The following SAMD12 variants were observed in gnomAD, a reference collection of about 807,000 sequenced individuals.
SAMD12 encodes sterile alpha motif domain-containing protein 12.
In SAMD12, 9 loss-of-function variants were observed where a neutral mutation model predicts 15.0. The ratio of observed to expected loss-of-function variants is 0.60; its 90% CI spans 0.36 to 1.05. SAMD12 has a LOEUF of 1.05. Ranked by LOEUF, SAMD12 falls within the 50% of genes least tolerant of loss-of-function variation. The pLI is 0.01. For missense variants in SAMD12, 230 were observed against 234.2 expected, an observed-to-expected ratio of 0.98 and a Z score of 0.12; for synonymous variants, 86 against 90.1, an observed-to-expected ratio of 0.96 and a Z score of 0.25.
Position 118,378,746 on chromosome 8 carries a change from G to C in SAMD12, c.*671C>G. ...TAAAATAAAACAAATAAAGTTTATA[G>C]CCAATGAAGGTTGATAGCATCCAAA... On this transcript the variant is annotated 3_prime_UTR_variant, in exon 4 of 4. Transcript: ENST00000314727. 1.0e-6 allele frequency: 1 copy of C among 984,200 alleles called. No individual in the cohort carries two copies. 61.0% of individuals were successfully genotyped at this position (984,200 alleles called of 1,614,324 possible).
intron 3 of SAMD12, among the ~76,000 whole-genome samples, chr8:118,386,337 T>C (rs1418755783): frequency 6.6e-6 from 1 of 152,108 alleles, no homozygotes; most frequent in African/African-American, 2.4e-5. Context: ...CTGCCTCCAT[T>C]CTCCTATCAC....
intron 2 of SAMD12, among the ~76,000 whole-genome samples, chr8:118,482,796 G>T (rs1301928822): frequency 6.6e-6 from 1 of 152,118 alleles, no homozygotes; most frequent in Non-Finnish European, 1.5e-5. Context: ...ACCCGAAGAG[G>T]TCACCTCACC....
At chr8:118,343,612 G>C (rs1350702161) in intron 4 of SAMD12, among the ~76,000 whole-genome samples, 1 of 152,152 alleles carries the variant, frequency 6.6e-6, no homozygotes, top group Non-Finnish European at 1.5e-5. Context: ...AAGAGTAAGT[G>C]CCTTTTTACA....
the SAMD12 span, among the ~76,000 whole-genome samples, chr8:118,173,755 G>C: frequency 6.6e-6 from 1 of 150,404 alleles, no homozygotes; most frequent in East Asian, 2.0e-4. Context: ...TCAGCTTCCC[G>C]CATAGCTGGG....
chr8:118,151,252 G>A, the SAMD12 span, among the ~76,000 whole-genome samples: 691 of 151,928 alleles, frequency 4.5e-3, 2 homozygotes, highest in Non-Finnish European at 7.6e-3. Context: ...ATGTACCATT[G>A]GTATTTCTTT....
chr8:118,480,037 C>A (rs75978098), intron 2 of SAMD12, among the ~76,000 whole-genome samples: 1 of 152,050 alleles, frequency 6.6e-6, no homozygotes, highest in Non-Finnish European at 1.5e-5. Context: ...GCATATAAAA[C>A]AAAGAAAAAA....
chr8:118,220,977 G>A (rs1310031503), intron 4 of SAMD12, among the ~76,000 whole-genome samples: 2 of 151,958 alleles, frequency 1.3e-5, no homozygotes, highest in East Asian at 1.9e-4. Flanking sequence ...GGTGGAATAC[G>A]AAGATATGAA....
intron 2 of SAMD12, among the ~76,000 whole-genome samples, chr8:118,529,141 A>C (rs1456047702): frequency 6.6e-6 from 1 of 152,224 alleles, no homozygotes; most frequent in Non-Finnish European, 1.5e-5. Context: ...GGTTGAAAGA[A>C]GAGAAAACCA....
chr8:118,353,216 A>G (rs1401800018), intron 4 of SAMD12, among the ~76,000 whole-genome samples: 3 of 150,454 alleles, frequency 2.0e-5, no homozygotes, highest in East Asian at 1.9e-4. Context: ...TGTAATTTCA[A>G]TGCTGCATCT....
At chr8:118,609,932 C>T (rs775701421) in intron 1 of SAMD12, among the ~76,000 whole-genome samples, 8 of 152,128 alleles carry the variant, frequency 5.3e-5, no homozygotes, top group Non-Finnish European at 1.0e-4. Context: ...CCTGTTTTGC[C>T]GTGACACATA....
chr8:118,410,212 A>AT (rs1414129349), intron 3 of SAMD12, among the ~76,000 whole-genome samples: 1 of 152,204 alleles, frequency 6.6e-6, no homozygotes, highest in Admixed American at 6.5e-5. Context: ...GGGATGTGTG[A>AT]TAAACAAATG....
rs1827589798 is a variant in SAMD12, at chr8:118,591,737, T to C, written c.14-10844A>G. Among the ~76,000 whole-genome samples the C allele has an allele frequency of 2.0e-5, 3 of 151,562 alleles. 1 individual carries two copies. Among genetic ancestry groups the C allele is most frequent in the Non-Finnish European group, 2.9e-5 (2 of 67,910 alleles). ...AAAAACCTGGGAGCAAATTGGGAAA[T>C]GAGGTTAAAAATAAGAAATAAAAGC... is the stretch of plus-strand genomic sequence containing the variant. On this transcript the variant is annotated intron_variant, in intron 1 of 3. Transcript: ENST00000314727.
chr8:118,455,277 C>CTCTCTG (rs1554666787), intron 2 of SAMD12, among the ~76,000 whole-genome samples: 1 of 150,192 alleles, frequency 6.7e-6, no homozygotes, highest in Non-Finnish European at 1.5e-5. Context: ...ACCTCTCTCT[C>CTCTCTG]TCTCTCTCTC....
At chr8:118,248,706 C>A (rs1201958385) in intron 4 of SAMD12, among the ~76,000 whole-genome samples, 1 of 151,964 alleles carries the variant, frequency 6.6e-6, no homozygotes, top group Admixed American at 6.6e-5. Flanking sequence ...AATTAAAATG[C>A]GATCAGCACT....
intron 2 of SAMD12, among the ~76,000 whole-genome samples, chr8:118,490,863 A>G (rs1355735287): frequency 6.6e-6 from 1 of 152,108 alleles, no homozygotes; most frequent in Non-Finnish European, 1.5e-5. Context: ...GCTGCAAGTG[A>G]GGCTGGGAAA....
At chr8:118,532,362 T>C (rs1215359877) in intron 2 of SAMD12, among the ~76,000 whole-genome samples, 1 of 151,570 alleles carries the variant, frequency 6.6e-6, no homozygotes, top group Non-Finnish European at 1.5e-5. Flanking sequence ...AGGATTTTTG[T>C]ATCAATGTTC....
chr8:118,285,057 A>T (rs1336760693), intron 4 of SAMD12: 1 of 151,550 alleles, frequency 6.6e-6, no homozygotes, highest in Non-Finnish European at 1.5e-5. Flanking sequence ...TCTCATTTTT[A>T]TACTCTGTTA....
At chr8:118,602,103 A>G (rs1256397938) in intron 1 of SAMD12, among the ~76,000 whole-genome samples, 1 of 152,174 alleles carries the variant, frequency 6.6e-6, no homozygotes, top group Admixed American at 6.5e-5. Context: ...TATGGTTGTT[A>G]CCACTTCAAT....
At chr8:118,236,903 A>T (rs1812447539) in intron 4 of SAMD12, among the ~76,000 whole-genome samples, 1 of 152,202 alleles carries the variant, frequency 6.6e-6, no homozygotes, top group Admixed American at 6.5e-5. Flanking sequence ...CTCGTTTTCT[A>T]ATCAGCCCTG....
Sources: gnomAD v4.1 joint callset for allele counts (sites outside exome capture counted in the v4.1 genomes callset) on GRCh38, gnomAD v4.1.1 for gene constraint, MANE v1.5 for transcripts, NCBI Gene and HGNC (gene_info 2026-07-23, HGNC 2026-07-21) for gene names.